The following NSL1 variants were observed in gnomAD, a reference collection of about 807,000 sequenced individuals.
NSL1 encodes the protein NSL1 component of MIS12 kinetochore complex, also known as kinetochore-associated protein NSL1 homolog.
In NSL1, 11 loss-of-function variants were observed where a neutral mutation model predicts 25.4. The observed-to-expected ratio is 0.43, with a 90% CI of 0.27 to 0.72. The LOEUF is 0.72. Among genes scored for constraint, NSL1 ranks in the 30% least tolerant of loss-of-function variants. The probability of loss-of-function intolerance (pLI) is 0.19; values close to 1 mark genes in which losing one functional copy is unlikely to be tolerated. For synonymous variants in NSL1, 118 were observed against 120.6 expected, an observed-to-expected ratio of 0.98 and a Z score of 0.14; for missense variants, 330 against 342.7, an observed-to-expected ratio of 0.96 and a Z score of 0.29.
At chr1:212,780,312 C>T (rs1051240715) in intron 4 of NSL1, among the ~76,000 whole-genome samples, 2 of 151,888 alleles carry the variant, frequency 1.3e-5, no homozygotes, top group African/African-American at 4.8e-5. Flanking sequence ...GCAGCGTGCT[C>T]GTTGAGAGTC....
chr1:212,747,695 G>A (rs1658868153), intron 4 of NSL1, among the ~76,000 whole-genome samples: 1 of 152,162 alleles, frequency 6.6e-6, no homozygotes, highest in African/African-American at 2.4e-5. Flanking sequence ...TACAACATGA[G>A]AGCAATATAT....
At chr1:212,787,157 T>C (rs1660981327) in intron 2 of NSL1, among the ~76,000 whole-genome samples, 1 of 139,480 alleles carries the variant, frequency 7.2e-6, no homozygotes, top group Non-Finnish European at 1.5e-5. Flanking sequence ...TGAGACTTCA[T>C]CTCAAAAAAA....
At chr1:212,778,030 AAG>A (rs1445696331) in intron 4 of NSL1, among the ~76,000 whole-genome samples, 2 of 152,232 alleles carry the variant, frequency 1.3e-5, no homozygotes, top group Non-Finnish European at 1.5e-5. Flanking sequence ...TAACAAAATG[AAG>A]AGAAGTCAAC....
At chr1:212,746,343 T>C (rs999030505) in intron 4 of NSL1, among the ~76,000 whole-genome samples, 3 of 152,040 alleles carry the variant, frequency 2.0e-5, no homozygotes, top group African/African-American at 7.3e-5. Flanking sequence ...TAATTCAAAC[T>C]ACATTGTTAT....
intron 4 of NSL1, among the ~76,000 whole-genome samples, chr1:212,773,257 G>C (rs1280530301): frequency 6.6e-6 from 1 of 152,062 alleles, no homozygotes; most frequent in Non-Finnish European, 1.5e-5. Context: ...CCTGTTGAAT[G>C]GGAGAAACTA....
At chr1:212,767,007 C>T (rs1441560246) in intron 4 of NSL1, among the ~76,000 whole-genome samples, 1 of 152,146 alleles carries the variant, frequency 6.6e-6, no homozygotes, top group Non-Finnish European at 1.5e-5. Flanking sequence ...GTGAAAATGA[C>T]CATACTGCCA....
intron 4 of NSL1, among the ~76,000 whole-genome samples, chr1:212,750,265 G>A (rs1202564323): frequency 6.6e-6 from 1 of 152,090 alleles, no homozygotes; most frequent in Non-Finnish European, 1.5e-5. Flanking sequence ...AATCTTCACA[G>A]GTGATGTAAG....
intron 4 of NSL1, among the ~76,000 whole-genome samples, chr1:212,751,972 T>C (rs1274246507): frequency 1.3e-5 from 2 of 152,202 alleles, no homozygotes; most frequent in Non-Finnish European, 2.9e-5. Flanking sequence ...GGCTGGTCCA[T>C]GCCACACAGG....
intron 4 of NSL1, among the ~76,000 whole-genome samples, chr1:212,764,926 A>G (rs992628329): frequency 5.3e-5 from 8 of 151,670 alleles, no homozygotes; most frequent in African/African-American, 1.9e-4. Context: ...CCACAGAAAT[A>G]CAAAAGGTCA....
rs552144025 is a variant in NSL1 at position 212,734,857 on chromosome 1, A to G, written c.*3551T>C. On this transcript the variant is annotated 3_prime_UTR_variant, in exon 6 of 6. Coordinates refer to ENST00000366977, the MANE Select transcript of NSL1 (RefSeq NM_015471.4). ...TGCATGGCATTATCATTGTTTGCAC[A>G]CTCATCCTCTTCACTGGAATATGAC... is the stretch of plus-strand genomic sequence containing the variant. 6.6e-6 allele frequency among the ~76,000 whole-genome samples: 1 copy of G among 152,218 alleles called. No individual in the cohort carries two copies. The highest frequency in any genetic ancestry group is 1.9e-4 in the East Asian group (1 of 5,182).
Position 212,728,566 on chromosome 1 carries a change from G to C in NSL1, c.*9842C>G. ...AATTTTTTCAAATCAGATTTACAGA[G>C]GGATAGAAATGAGAAAAGGAGTTTT... On this transcript the variant is annotated 3_prime_UTR_variant, in exon 6 of 6. Coordinates refer to ENST00000366977, the MANE Select transcript of NSL1 (RefSeq NM_015471.4). The C allele has an allele frequency of 3.0e-6, 3 of 985,446 alleles. No homozygotes were observed. The highest frequency in any genetic ancestry group is 3.6e-6 in the Non-Finnish European group (3 of 829,934). The allele number at this position is 985,446 out of a possible 1,614,324, so 61.0% of individuals were successfully genotyped here. A position where few individuals can be genotyped will look rare whatever the true frequency, so the allele number is the denominator to read the frequency against.
At chr1:212,759,493 G>C (rs1319044149) in intron 4 of NSL1, among the ~76,000 whole-genome samples, 1 of 152,134 alleles carries the variant, frequency 6.6e-6, no homozygotes, top group Non-Finnish European at 1.5e-5. Flanking sequence ...CTAACCACAG[G>C]AGAGCCCCTT....
rs1296903802 is a variant in NSL1, at chr1:212,733,101, C to T, written c.*5307G>A. On this transcript the variant is annotated 3_prime_UTR_variant, in exon 6 of 6. Coordinates refer to ENST00000366977, the MANE Select transcript of NSL1 (RefSeq NM_015471.4). ...GTTTTCAGTATATTCAACAAGCAGTCGTGAATCACCATAATCAAATTTAGA... is the reference window on the plus strand; with the variant it reads ...GTTTTCAGTATATTCAACAAGCAGTTGTGAATCACCATAATCAAATTTAGA... 1.3e-5 allele frequency among the ~76,000 whole-genome samples: 2 copies of T among 152,106 alleles called. No homozygotes were observed. Among genetic ancestry groups the T allele is most frequent in the Non-Finnish European group, 2.9e-5 (2 of 68,014 alleles).
chr1:212,782,388 T>C lies in NSL1; in HGVS notation c.483A>G (p.Lys161=). 6.2e-7 allele frequency: 1 copy of C among 1,610,946 alleles called. No individual in the cohort carries two copies. Among genetic ancestry groups the C allele is most frequent in the Non-Finnish European group, 8.5e-7 (1 of 1,177,154 alleles). ...YHPVVHPLDL[K]YDPDPAPHME... is the part of the protein sequence containing the mutation. ...CTGACTCACCTGGATCAGGGTCATA[T>C]TTTAGGTCCAGTGGATGTACAACAG... Residue 161 remains lysine, a synonymous_variant, in exon 4 of 6, where the codon AAA becomes AAG. Transcript: ENST00000366977.
At chr1:212,758,109 G>T (rs1413440798) in intron 4 of NSL1, among the ~76,000 whole-genome samples, 2 of 152,094 alleles carry the variant, frequency 1.3e-5, no homozygotes, top group Non-Finnish European at 2.9e-5. Flanking sequence ...TGCATGTATT[G>T]TTCATACAAG....
At position 212,788,924 on chromosome 1, in the gene NSL1, A is replaced by G. The variant is rs570133420; in HGVS notation, c.235-1287T>C. ...TATTAATGGAGACAAACAAACATAA[A>G]CAGAGAGAAAGAGGTAAAGCCACAG... On this transcript the variant is annotated intron_variant, in intron 1 of 5. Transcript: ENST00000366977. 5.3e-5 allele frequency among the ~76,000 whole-genome samples: 8 copies of G among 152,250 alleles called. No homozygotes were observed. The South Asian group carries it at 1.7e-3, about 31-fold the overall frequency.
At position 212,791,734 on chromosome 1, in the gene NSL1, A is replaced by T. The variant is rs1280863991; in HGVS notation, c.30T>A (p.Leu10=). 1.9e-6 allele frequency: 3 copies of T among 1,612,256 alleles called. No individual in the cohort carries two copies. Among genetic ancestry groups the T allele is most frequent in the Non-Finnish European group, 2.5e-6 (3 of 1,179,020 alleles). ...CGAGCTCCTTGTCCCATGGAGGGTC[A>T]AGGACCACCAACTCAGGAGACCCCG... The part of the protein sequence containing the change: MAGSPELVV[L]DPPWDKELAA... Residue 10 remains leucine (L), a synonymous_variant, in exon 1 of 6, where the codon CTT becomes CTA. Coordinates refer to ENST00000366977, the MANE Select transcript of NSL1 (RefSeq NM_015471.4).
At chr1:212,744,076 T>G (rs1262315606) in intron 4 of NSL1, among the ~76,000 whole-genome samples, 1 of 152,184 alleles carries the variant, frequency 6.6e-6, no homozygotes, top group Non-Finnish European at 1.5e-5. Context: ...AGATGCAGCG[T>G]GCAGCACAGG....
intron 4 of NSL1, among the ~76,000 whole-genome samples, chr1:212,748,791 T>G (rs988250717): frequency 1.3e-5 from 2 of 152,170 alleles, no homozygotes; most frequent in Non-Finnish European, 2.9e-5. Context: ...GATAAATATG[T>G]GCTAGTTACA....
Sources: allele counts gnomAD v4.1 joint callset (sites outside exome capture counted in the v4.1 genomes callset), GRCh38; gene constraint gnomAD v4.1.1; transcripts MANE v1.5; gene names NCBI Gene and HGNC (gene_info 2026-07-23, HGNC 2026-07-21).